BTLA: variants seen among roughly 807,000 people sequenced by gnomAD.
The protein encoded by BTLA is B- and T-lymphocyte attenuator.
A neutral mutation model predicts 25.0 loss-of-function variants in BTLA; 11 were observed. That is an observed-to-expected ratio of 0.44 (90% confidence interval 0.28 to 0.73). The LOEUF is 0.73. BTLA is among the 30% of genes least tolerant of loss of function. The pLI, the probability that BTLA is intolerant of heterozygous loss-of-function variation, is 0.15. For synonymous variants in BTLA, 104 were observed against 119.8 expected, an observed-to-expected ratio of 0.87 and a Z score of 0.86; for missense variants, 282 against 332.8, an observed-to-expected ratio of 0.85 and a Z score of 1.19.
Position 112,466,057 on chromosome 3 carries a change from G to T in BTLA, c.*51C>A. The stretch of plus-strand genomic sequence containing the variant: ...TGACATCCTGTTGAGCCCAGACAAT[G>T]ATGTCAACATGCTGATCATTCAATG... On this transcript the variant is annotated 3_prime_UTR_variant, in exon 5 of 5. Transcript: ENST00000334529. 1 of 1,476,440 alleles carries T rather than the reference G, an allele frequency of 6.8e-7. No individual in the cohort carries two copies. Among genetic ancestry groups the T allele is most frequent in the Non-Finnish European group, 9.1e-7 (1 of 1,100,724 alleles). 91.5% of individuals were successfully genotyped at this position (1,476,440 alleles called of 1,614,324 possible).
In BTLA at chr3:112,464,184, T is replaced by C. The variant is rs779589033; in HGVS notation, c.*1924A>G. 57 of 397,832 alleles carry C rather than the reference T, an allele frequency of 1.4e-4. No homozygotes were observed. Among genetic ancestry groups the C allele is most frequent in the Non-Finnish European group, 2.3e-4 (53 of 225,696 alleles). The allele number at this position is 397,832 out of a possible 1,614,324, so 24.6% of individuals were successfully genotyped here. A position where few individuals can be genotyped will look rare whatever the true frequency, so the allele number is the denominator to read the frequency against. On this transcript the variant is annotated 3_prime_UTR_variant, in exon 5 of 5. Coordinates refer to ENST00000334529, the MANE Select transcript of BTLA (RefSeq NM_181780.4). ...GAAAAGGAATAAAAACATAAATGAT[T>C]TGTGATTTTGGCAAACAGTACAAAT...
At chr3:112,488,617 TTTG>T (rs999291611) in intron 1 of BTLA, among the ~76,000 whole-genome samples, 8 of 151,094 alleles carry the variant, frequency 5.3e-5, no homozygotes, top group Non-Finnish European at 7.4e-5. Flanking sequence ...TCACTCCTTT[TTTG>T]TTGTTGTTGT....
At chr3:112,480,627 T>C (rs2082313075) in intron 1 of BTLA, among the ~76,000 whole-genome samples, 1 of 152,192 alleles carries the variant, frequency 6.6e-6, no homozygotes, top group Non-Finnish European at 1.5e-5. Flanking sequence ...CCAAAATTTA[T>C]CCTTTTATCA....
At chr3:112,491,173 A>G (rs1198470627) in intron 1 of BTLA, among the ~76,000 whole-genome samples, 1 of 152,204 alleles carries the variant, frequency 6.6e-6, no homozygotes, top group Non-Finnish European at 1.5e-5. Flanking sequence ...TAGAACAAGA[A>G]GAGAACCTTA....
chr3:112,470,721 A>G (rs2082257485), intron 3 of BTLA, among the ~76,000 whole-genome samples: 1 of 152,210 alleles, frequency 6.6e-6, no homozygotes, highest in Non-Finnish European at 1.5e-5. Context: ...ATATGTTTAT[A>G]ATGGCAATAG....
intron 4 of BTLA, among the ~76,000 whole-genome samples, chr3:112,467,770 C>A (rs935370226): frequency 6.6e-6 from 1 of 152,186 alleles, no homozygotes; most frequent in African/African-American, 2.4e-5. Context: ...AAAAGTACTC[C>A]CAACTCCACT....
Position 112,469,820 on chromosome 3 carries a change from A to C in BTLA, c.548-16T>G. The C allele has an allele frequency of 6.2e-7, 1 of 1,602,544 alleles. No homozygotes were observed. Reference sequence around the variant, plus strand: ...TTTTGCTTTCCTGGAAGACAAAAAGAAAAAGAAGTAATCAAAAGGAGTAAA... The same window carrying C: ...TTTTGCTTTCCTGGAAGACAAAAAGCAAAAGAAGTAATCAAAAGGAGTAAA... On this transcript the variant is annotated splice_polypyrimidine_tract_variant and intron_variant, in intron 3 of 4. Coordinates refer to ENST00000334529, the MANE Select transcript of BTLA (RefSeq NM_181780.4).
Position 112,464,765 on chromosome 3 carries a change from C to T in BTLA, c.*1343G>A, listed in dbSNP as rs979168304. 3 of 151,374 alleles carry T rather than the reference C, an allele frequency of 2.0e-5. No homozygotes were observed. Among genetic ancestry groups the T allele is most frequent in the Non-Finnish European group, 2.9e-5 (2 of 67,902 alleles). The allele number at this position is 151,374 out of a possible 1,614,324, so 9.4% of individuals were successfully genotyped here. A position where few individuals can be genotyped will look rare whatever the true frequency, so the allele number is the denominator to read the frequency against. Reference sequence around the variant, plus strand: ...TATAATGTCAATTTGATCAGTTTCTCGTGCACCATTTCTGTTGTCACCCAC... The same window carrying T: ...TATAATGTCAATTTGATCAGTTTCTTGTGCACCATTTCTGTTGTCACCCAC... On this transcript the variant is annotated 3_prime_UTR_variant, in exon 5 of 5. Coordinates refer to ENST00000334529, the MANE Select transcript of BTLA (RefSeq NM_181780.4).
intron 2 of BTLA, among the ~76,000 whole-genome samples, chr3:112,478,438 A>C (rs1432796948): frequency 6.6e-6 from 1 of 152,084 alleles, no homozygotes; most frequent in African/African-American, 2.4e-5. Flanking sequence ...GTTTATTGCT[A>C]GTGTATAGAA....
chr3:112,474,947 T>C (rs2082281151), intron 2 of BTLA, among the ~76,000 whole-genome samples: 1 of 152,180 alleles, frequency 6.6e-6, no homozygotes, highest in Non-Finnish European at 1.5e-5. Flanking sequence ...CCCAATATTG[T>C]GACCACTGGG....
chr3:112,466,101 A>G lies in BTLA; in HGVS notation c.*7T>C. 6.4e-7 allele frequency: 1 copy of G among 1,573,932 alleles called. No homozygotes were observed. On this transcript the variant is annotated 3_prime_UTR_variant, in exon 5 of 5. Transcript: ENST00000334529. ...TTCAATGGTCCCTGTTGGAGTCAGA[A>G]ACAGACTTAACTCCTCACACATATG...
intron 1 of BTLA, among the ~76,000 whole-genome samples, chr3:112,487,860 G>A (rs893122461): frequency 1.3e-5 from 2 of 152,246 alleles, no homozygotes; most frequent in East Asian, 3.9e-4. Context: ...AATCAGGAAA[G>A]GCTTCATGGG....
At chr3:112,489,571 T>C (rs1443206924) in intron 1 of BTLA, among the ~76,000 whole-genome samples, 2 of 152,208 alleles carry the variant, frequency 1.3e-5, no homozygotes, top group African/African-American at 2.4e-5. Flanking sequence ...CAGATTGCCT[T>C]AACTTGAGCT....
rs753175911 is a variant in BTLA at position 112,499,394 on chromosome 3, G to A, written c.-36C>T. 1 of 1,593,796 alleles carries A rather than the reference G, an allele frequency of 6.3e-7. No individual in the cohort carries two copies. Among genetic ancestry groups the A allele is most frequent in the South Asian group, 1.1e-5 (1 of 90,012 alleles). On this transcript the variant is annotated 5_prime_UTR_variant, in exon 1 of 5. Transcript: ENST00000334529. ...TATCAGTGATGGAAAAACTGCTCAAGTAGAAGGCTTTGCTTCGTCTTCTGA... is the reference window on the plus strand; with the variant it reads ...TATCAGTGATGGAAAAACTGCTCAAATAGAAGGCTTTGCTTCGTCTTCTGA...
intron 1 of BTLA, among the ~76,000 whole-genome samples, chr3:112,491,852 G>T (rs1559830439): frequency 6.6e-6 from 1 of 151,752 alleles, no homozygotes; most frequent in South Asian, 2.1e-4. Context: ...ATCAGCAGTG[G>T]TGCATAATAA....
intron 4 of BTLA, among the ~76,000 whole-genome samples, chr3:112,467,678 G>A (rs2082237647): frequency 6.6e-6 from 1 of 152,198 alleles, no homozygotes; most frequent in African/African-American, 2.4e-5. Flanking sequence ...CTGATACAGT[G>A]CCACCCTCTG....
chr3:112,478,522 T>A (rs2082301060), intron 2 of BTLA, among the ~76,000 whole-genome samples: 1 of 152,182 alleles, frequency 6.6e-6, no homozygotes, highest in Non-Finnish European at 1.5e-5. Flanking sequence ...TTAATAGTTT[T>A]AAACAAATTT....
At chr3:112,499,611 C>G (rs1404368432), upstream of BTLA, 1 of 403,702 alleles carries the variant, frequency 2.5e-6, no homozygotes, top group African/African-American at 2.0e-5. Context: ...GTTGGCTGTT[C>G]ACTTTCAAAC....
intron 2 of BTLA, among the ~76,000 whole-genome samples, chr3:112,475,710 AAAGACTGAATTACAC>A: frequency 6.6e-6 from 1 of 152,208 alleles, no homozygotes. Flanking sequence ...TCCCATAAAG[AAAGACTGAATTACAC>A]AAGGCTTCTC....
Sources: allele counts gnomAD v4.1 joint callset (sites outside exome capture counted in the v4.1 genomes callset), GRCh38; gene constraint gnomAD v4.1.1; transcripts MANE v1.5; gene names NCBI Gene and HGNC (gene_info 2026-07-23, HGNC 2026-07-21).